Variants in HDAC8 observed in about 807,000 individuals in gnomAD.
The protein encoded by HDAC8 is histone deacetylase-like 1.
In HDAC8, 1 loss-of-function variant was observed where a neutral mutation model predicts 32.2. The observed-to-expected ratio is 0.03, with a 90% CI of 0.01 to 0.15. The LOEUF (loss-of-function observed/expected upper bound fraction) is 0.15. Ranked by LOEUF, HDAC8 falls within the 10% of genes least tolerant of loss-of-function variation. The probability of loss-of-function intolerance (pLI) is 1.00; values close to 1 mark genes in which losing one functional copy is unlikely to be tolerated. For synonymous variants in HDAC8, 108 were observed against 113.9 expected, an observed-to-expected ratio of 0.95 and a Z score of 0.33; for missense variants, 117 against 300.0, an observed-to-expected ratio of 0.39 and a Z score of 4.51.
chrX:72,459,708 C>T (rs1013481539), intron 9 of HDAC8, among the ~76,000 whole-genome samples: 1 of 111,359 alleles, frequency 9.0e-6, no homozygotes, highest in Non-Finnish European at 1.9e-5. Flanking sequence ...ACTTACACCA[C>T]CCTCCCTCCC....
At chrX:72,380,247 G>A (rs2045230776) in intron 9 of HDAC8, among the ~76,000 whole-genome samples, 1 of 111,846 alleles carries the variant, frequency 8.9e-6, no homozygotes, top group Non-Finnish European at 1.9e-5. Context: ...ATAGGCAGCT[G>A]TAAAGTTAAT....
At chrX:72,445,521 C>T (rs1302817341) in intron 9 of HDAC8, among the ~76,000 whole-genome samples, 1 of 111,989 alleles carries the variant, frequency 8.9e-6, no homozygotes. Context: ...ACACCTTATA[C>T]AAAAATTAAT....
intron 4 of HDAC8, among the ~76,000 whole-genome samples, chrX:72,551,821 C>T (rs1014604190): frequency 6.2e-5 from 7 of 112,156 alleles, no homozygotes; most frequent in African/African-American, 9.7e-5. Context: ...GCTTATAAAA[C>T]CTTTATAATC....
intron 9 of HDAC8, among the ~76,000 whole-genome samples, chrX:72,379,314 T>C (rs2045192755): frequency 9.0e-6 from 1 of 110,960 alleles, no homozygotes; most frequent in Non-Finnish European, 1.9e-5. Context: ...TCAGTGACAG[T>C]TTATGTTGAT....
Position 72,330,059 on chromosome X carries a change from C to T in HDAC8, c.1129G>A (p.Val377Ile). The stretch of plus-strand genomic sequence containing the variant: ...ACCTGATCTCTTTCTGTCAACTAGA[C>T]CACATGCTTCAGATTCCCTGCAAAC... Reference protein sequence around the residue: ...NYIKGNLKHVV With the variant: ...NYIKGNLKHVI Residue 377 changes from valine to isoleucine, a missense_variant, in exon 11 of 11, where the codon GTC becomes ATC. By Grantham distance (29) the Val-to-Ile change is conservative (BLOSUM62 3). Around this residue, in one of 4 missense-constraint regions of HDAC8, gnomAD observed 18 missense variants for 25.7 expected, o/e 0.70. Transcript: ENST00000373573. 8.3e-7 allele frequency: 1 copy of T among 1,208,131 alleles called. No individual in the cohort carries two copies. The highest frequency in any genetic ancestry group is 1.1e-6 in the Non-Finnish European group (1 of 892,226).
At chrX:72,351,687 A>T (rs2044184808) in intron 10 of HDAC8, 46 bp downstream of exon 10, 2 of 985,717 alleles carry the variant, frequency 2.0e-6, no homozygotes, top group Non-Finnish European at 2.9e-6. Context: ...GGGCCACCAC[A>T]AACTGGGTGG....
At chrX:72,446,012 G>A (rs2047379356) in intron 9 of HDAC8, among the ~76,000 whole-genome samples, 2 of 111,998 alleles carry the variant, frequency 1.8e-5, no homozygotes, top group East Asian at 2.8e-4. Context: ...TTAGAATGGC[G>A]ATCATTAGAA....
intron 9 of HDAC8, among the ~76,000 whole-genome samples, chrX:72,367,769 C>T (rs1189244259): frequency 2.7e-5 from 3 of 112,595 alleles, no homozygotes; most frequent in Non-Finnish European, 5.6e-5. Flanking sequence ...CAGACATGGG[C>T]GGCAAATGCC....
At chrX:72,342,174 A>G (rs1290186150) in intron 10 of HDAC8, among the ~76,000 whole-genome samples, 1 of 112,864 alleles carries the variant, frequency 8.9e-6, no homozygotes, top group Admixed American at 9.3e-5. Context: ...AAGAGGCAGA[A>G]GAATGTTGGC....
chrX:72,443,233 T>G (rs1284100527), intron 9 of HDAC8, among the ~76,000 whole-genome samples: 2 of 109,729 alleles, frequency 1.8e-5, no homozygotes, highest in African/African-American at 6.6e-5. Flanking sequence ...AGAATATACA[T>G]TTTTTTCAGC....
intron 4 of HDAC8, among the ~76,000 whole-genome samples, chrX:72,511,554 T>A (rs1027062873): frequency 2.2e-4 from 25 of 111,692 alleles, no homozygotes; most frequent in African/African-American, 7.8e-4. Context: ...ATCCCCAAAC[T>A]ATGTAATAGA....
At chrX:72,349,108 T>G (rs2044105812) in intron 10 of HDAC8, among the ~76,000 whole-genome samples, 1 of 112,614 alleles carries the variant, frequency 8.9e-6, no homozygotes, top group South Asian at 3.7e-4. Flanking sequence ...TCTGCCTTTT[T>G]AAAATATCCA....
chrX:72,496,590 C>T (rs986223087), intron 4 of HDAC8, among the ~76,000 whole-genome samples: 7 of 110,898 alleles, frequency 6.3e-5, no homozygotes, highest in African/African-American at 2.3e-4. Flanking sequence ...AAGTTTACTG[C>T]CTTAGCACAT....
intron 9 of HDAC8, among the ~76,000 whole-genome samples, chrX:72,436,280 G>C (rs781925988): frequency 2.7e-5 from 3 of 111,865 alleles, no homozygotes; most frequent in Non-Finnish European, 5.6e-5. Context: ...ATAATCAAAT[G>C]TCTGAAAAAT....
intron 4 of HDAC8, among the ~76,000 whole-genome samples, chrX:72,558,072 G>A (rs1027059910): frequency 9.0e-6 from 1 of 111,706 alleles, no homozygotes. Flanking sequence ...AACAAGCAGC[G>A]AGATTGAAAT....
chrX:72,414,485 A>G (rs1275049404), intron 9 of HDAC8, among the ~76,000 whole-genome samples: 1 of 112,313 alleles, frequency 8.9e-6, no homozygotes, highest in Non-Finnish European at 1.9e-5. Flanking sequence ...TGTTACTGAT[A>G]GAGACTTAGG....
chrX:72,330,824 GA>G (rs2043496969), intron 10 of HDAC8: 1 of 110,863 alleles, frequency 9.0e-6, no homozygotes, highest in Non-Finnish European at 1.9e-5. Context: ...ACTTTTGGTT[GA>G]TTTCCAAAGT....
chrX:72,519,318 T>G (rs1279668947), intron 4 of HDAC8, among the ~76,000 whole-genome samples: 1 of 112,135 alleles, frequency 8.9e-6, no homozygotes, highest in East Asian at 2.8e-4. Context: ...GGTAGATACC[T>G]AGGAGTGGAA....
intron 4 of HDAC8, among the ~76,000 whole-genome samples, chrX:72,503,661 A>G (rs1322791637): frequency 2.7e-5 from 3 of 112,123 alleles, no homozygotes; most frequent in Non-Finnish European, 5.6e-5. Flanking sequence ...CAATATAAAT[A>G]TCTGCATTGG....
Sources: gnomAD v4.1 joint callset for allele counts (sites outside exome capture counted in the v4.1 genomes callset) on GRCh38, gnomAD v4.1.1 for gene constraint, gnomAD v4.1.1 regional missense constraint, MANE v1.5 for transcripts, NCBI Gene and HGNC (gene_info 2026-07-23, HGNC 2026-07-21) for gene names.